FHIT: variants seen among roughly 807,000 people sequenced by gnomAD.
The protein encoded by FHIT is fragile histidine triad diadenosine triphosphatase, also known as bis(5'-adenosyl)-triphosphatase.
In FHIT, 19 loss-of-function variants were observed where a neutral mutation model predicts 17.9. The ratio of observed to expected loss-of-function variants is 1.06; its 90% CI spans 0.74 to 1.56. The LOEUF is 1.56. FHIT is among the 40% of genes most tolerant of loss of function. FHIT has a pLI of 0.00. For missense variants in FHIT, 248 were observed against 189.2 expected (o/e 1.31, Z -1.82); for synonymous variants, 81 against 69.7 (o/e 1.16, Z -0.81).
intron 3 of FHIT, among the ~76,000 whole-genome samples, chr3:60,852,944 G>A (rs1421251052): frequency 1.3e-5 from 2 of 152,054 alleles, no homozygotes; most frequent in African/African-American, 2.4e-5. Flanking sequence ...TAAACATATA[G>A]GGATATGAAA....
At chr3:60,674,147 A>G (rs1553694702) in intron 4 of FHIT, among the ~76,000 whole-genome samples, 2 of 152,028 alleles carry the variant, frequency 1.3e-5, no homozygotes, top group African/African-American at 2.4e-5. Flanking sequence ...TCTGTCTTAA[A>G]GTTTCCTGAT....
At chr3:60,538,915 G>A (rs2036083197) in intron 4 of FHIT, among the ~76,000 whole-genome samples, 1 of 151,830 alleles carries the variant, frequency 6.6e-6, no homozygotes, top group Admixed American at 6.6e-5. Flanking sequence ...CAAAAGCAAT[G>A]GCAACAAAAG....
At chr3:60,173,220 C>G (rs1187173408) in intron 5 of FHIT, among the ~76,000 whole-genome samples, 3 of 152,152 alleles carry the variant, frequency 2.0e-5, no homozygotes, top group Admixed American at 6.5e-5. Context: ...GATTATGCAG[C>G]AGGGACCCAC....
intron 7 of FHIT, among the ~76,000 whole-genome samples, chr3:60,000,397 C>T (rs865871420): frequency 5.3e-5 from 8 of 152,194 alleles, no homozygotes; most frequent in South Asian, 2.1e-4. Context: ...TTCATATATT[C>T]TATGGCTTCT....
At chr3:60,272,798 C>A (rs1348106445) in intron 5 of FHIT, among the ~76,000 whole-genome samples, 2 of 152,194 alleles carry the variant, frequency 1.3e-5, no homozygotes, top group Non-Finnish European at 2.9e-5. Context: ...GGCCTTCCTT[C>A]CACCTTTCCG....
intron 5 of FHIT, among the ~76,000 whole-genome samples, chr3:60,358,988 T>C (rs1208562224): frequency 1.3e-5 from 2 of 152,196 alleles, no homozygotes; most frequent in Non-Finnish European, 2.9e-5. Flanking sequence ...TGTAGTCTAC[T>C]TGTTCAAGCA....
At chr3:60,675,610 T>C (rs1341911229) in intron 4 of FHIT, among the ~76,000 whole-genome samples, 2 of 152,216 alleles carry the variant, frequency 1.3e-5, no homozygotes, top group Admixed American at 6.5e-5. Context: ...TTGGTGGTAG[T>C]TATGTATTGG....
intron 4 of FHIT, among the ~76,000 whole-genome samples, chr3:60,639,007 A>T (rs1413822540): frequency 3.1e-5 from 4 of 127,064 alleles, no homozygotes; most frequent in Non-Finnish European, 6.8e-5. Flanking sequence ...TGCATAAATT[A>T]AAAAAAAAAA....
At chr3:61,229,286 G>T (rs1359336134) in intron 1 of FHIT, among the ~76,000 whole-genome samples, 5 of 152,114 alleles carry the variant, frequency 3.3e-5, no homozygotes, top group Admixed American at 6.5e-5. Flanking sequence ...AGAAGAGAAG[G>T]CCAAATGAAG....
At chr3:60,104,085 C>A (rs540491697) in intron 5 of FHIT, among the ~76,000 whole-genome samples, 1 of 152,166 alleles carries the variant, frequency 6.6e-6, no homozygotes, top group East Asian at 1.9e-4. Flanking sequence ...AAGGTAGACT[C>A]TTTTTAAACC....
At chr3:61,235,283 C>T (rs1217517159) in intron 1 of FHIT, among the ~76,000 whole-genome samples, 2 of 152,118 alleles carry the variant, frequency 1.3e-5, no homozygotes, top group African/African-American at 2.4e-5. Flanking sequence ...TCCTTGAGCC[C>T]TTGTTTAACC....
At chr3:60,926,042 C>T (rs1231108720) in intron 3 of FHIT, among the ~76,000 whole-genome samples, 1 of 152,086 alleles carries the variant, frequency 6.6e-6, no homozygotes, top group East Asian at 1.9e-4. Context: ...ACAGGAGCAC[C>T]CAGATTCATA....
chr3:61,017,659 T>C (rs955578332), intron 3 of FHIT, among the ~76,000 whole-genome samples: 35 of 152,220 alleles, frequency 2.3e-4, no homozygotes, highest in African/African-American at 6.3e-4. Context: ...GTGTCTAATA[T>C]GCTGCAAAAA....
At chr3:60,612,225 C>A (rs2038807516) in intron 4 of FHIT, among the ~76,000 whole-genome samples, 2 of 152,136 alleles carry the variant, frequency 1.3e-5, no homozygotes, top group African/African-American at 4.8e-5. Context: ...AACTGTGAAA[C>A]TCTCAATAAG....
At chr3:60,241,561 G>C (rs1286609015) in intron 5 of FHIT, among the ~76,000 whole-genome samples, 1 of 151,958 alleles carries the variant, frequency 6.6e-6, no homozygotes, top group Non-Finnish European at 1.5e-5. Context: ...TTTTGTAAGG[G>C]TTGAAAGAAA....
chr3:60,397,692 G>C (rs1701502136), intron 5 of FHIT, among the ~76,000 whole-genome samples: 1 of 152,122 alleles, frequency 6.6e-6, no homozygotes, highest in African/African-American at 2.4e-5. Context: ...CAGGTCCCCA[G>C]TGCAACCCCA....
chr3:60,438,349 C>A (rs1312675821), intron 5 of FHIT, among the ~76,000 whole-genome samples: 1 of 151,956 alleles, frequency 6.6e-6, no homozygotes. Context: ...TCCAGACGAC[C>A]ACCCAGAACA....
At chr3:59,840,393 TAAAAAAA>T (rs5849304) in intron 8 of FHIT, among the ~76,000 whole-genome samples, 1 of 139,706 alleles carries the variant, frequency 7.2e-6, no homozygotes. Context: ...TATCCCCCTT[TAAAAAAA>T]AAAAAAAAAG....
At chr3:59,871,168 T>C (rs1458626647) in intron 8 of FHIT, among the ~76,000 whole-genome samples, 2 of 152,170 alleles carry the variant, frequency 1.3e-5, no homozygotes, top group Non-Finnish European at 2.9e-5. Flanking sequence ...AATTTTTTGA[T>C]ACAGGGTAGC....
Sources: gnomAD v4.1 joint callset for allele counts (sites outside exome capture counted in the v4.1 genomes callset) on GRCh38, gnomAD v4.1.1 for gene constraint, MANE v1.5 for transcripts, NCBI Gene and HGNC (gene_info 2026-07-23, HGNC 2026-07-21) for gene names.